DLC1: variants seen among roughly 807,000 people sequenced by gnomAD.
The protein encoded by DLC1 is DLC1 Rho GTPase activating protein.
DLC1 carries 54 observed loss-of-function variants against 140.3 expected under a neutral mutation model. The ratio of observed to expected loss-of-function variants is 0.38; its 90% CI spans 0.31 to 0.48. The LOEUF (loss-of-function observed/expected upper bound fraction) is 0.48, where lower values mean the gene tolerates loss of function less well. Ranked by LOEUF, DLC1 falls within the 20% of genes least tolerant of loss-of-function variation. DLC1 has a pLI of 0.96. For missense variants in DLC1, 2,536 were observed against 1,907.0 expected (o/e 1.33, Z -6.14); for synonymous variants, 986 against 728.1 (o/e 1.35, Z -5.70).
At chr8:13,121,728 T>C (rs1433269857) in intron 5 of DLC1, among the ~76,000 whole-genome samples, 1 of 51,968 alleles carries the variant, frequency 1.9e-5, no homozygotes, top group Non-Finnish European at 3.6e-5. Context: ...TTTTATACTA[T>C]TTTTTATAGA....
chr8:13,178,439 G>A (rs1239827705), intron 5 of DLC1, among the ~76,000 whole-genome samples: 1 of 151,972 alleles, frequency 6.6e-6, no homozygotes, highest in Non-Finnish European at 1.5e-5. Context: ...GCGGGCGCCT[G>A]TAGTTCCTCC....
At chr8:13,224,791 T>C (rs1828713719) in intron 5 of DLC1, among the ~76,000 whole-genome samples, 1 of 152,198 alleles carries the variant, frequency 6.6e-6, no homozygotes, top group Admixed American at 6.5e-5. Flanking sequence ...ATTTTTTCTC[T>C]TCCTGCTTCT....
At chr8:13,260,866 C>G (rs1228627689) in intron 5 of DLC1, among the ~76,000 whole-genome samples, 3 of 152,140 alleles carry the variant, frequency 2.0e-5, no homozygotes, top group African/African-American at 7.2e-5. Context: ...GATGCTTTGC[C>G]TCAAATTCCC....
chr8:13,574,206 C>A (rs182152470), intron 1 of DLC1, among the ~76,000 whole-genome samples: 1 of 152,038 alleles, frequency 6.6e-6, no homozygotes, highest in Non-Finnish European at 1.5e-5. Context: ...GGCAAATTAG[C>A]GTAAAGCTTT....
chr8:13,331,529 GGAAA>G (rs1486137943), intron 4 of DLC1, among the ~76,000 whole-genome samples: 1 of 152,090 alleles, frequency 6.6e-6, no homozygotes. Context: ...ATCAAAAAAG[GGAAA>G]GAATCAGTAT....
At chr8:13,153,516 G>A (rs1201413826) in intron 5 of DLC1, among the ~76,000 whole-genome samples, 3 of 152,198 alleles carry the variant, frequency 2.0e-5, no homozygotes, top group Non-Finnish European at 4.4e-5. Flanking sequence ...GGTCGCCACT[G>A]CTGGCTCCAG....
In DLC1 at chr8:13,393,554, G is replaced by A. The variant is rs545557528; in HGVS notation, c.1313C>T (p.Thr438Met). Reference protein sequence around the residue: ...VANSGTKPKTTAIQGISEKEK... With the variant: ...VANSGTKPKTMAIQGISEKEK... ...TCTCTGTTATTATTTAGAACTCACC[G>A]TAGTCTTGGGTTTGGTTCCAGAATT... Residue 438 changes from threonine to methionine, a missense_variant and splice_region_variant, in exon 4 of 18, where the codon ACG becomes ATG. Physicochemically the swap from Thr to Met is moderately conservative, Grantham distance 81. Transcript: ENST00000276297. The A allele has an allele frequency of 2.2e-5, 35 of 1,613,540 alleles. No homozygotes were observed. The highest frequency in any genetic ancestry group is 8.9e-5 in the East Asian group (4 of 44,866).
intron 5 of DLC1, among the ~76,000 whole-genome samples, chr8:13,218,094 C>T (rs2117136738): frequency 6.6e-6 from 1 of 152,150 alleles, no homozygotes; most frequent in Middle Eastern, 3.4e-3. Context: ...TAATAATTAA[C>T]TAAAATGCTA....
chr8:13,185,110 T>A (rs1008483553), intron 5 of DLC1, among the ~76,000 whole-genome samples: 12 of 150,054 alleles, frequency 8.0e-5, no homozygotes, highest in Admixed American at 7.3e-4. Context: ...GAGACTAGGA[T>A]TGCAACCCCT....
At chr8:13,326,379 A>G (rs1833348815) in intron 4 of DLC1, among the ~76,000 whole-genome samples, 1 of 152,230 alleles carries the variant, frequency 6.6e-6, no homozygotes, top group Non-Finnish European at 1.5e-5. Context: ...ATGTTATAGT[A>G]GAACATCCAA....
chr8:13,373,329 T>G (rs1051081733), intron 4 of DLC1, among the ~76,000 whole-genome samples: 2 of 152,214 alleles, frequency 1.3e-5, no homozygotes, highest in African/African-American at 4.8e-5. Context: ...GCCTTCTTCA[T>G]CTTTTGGTTT....
chr8:13,363,442 A>C (rs41468845), intron 4 of DLC1, among the ~76,000 whole-genome samples: 19,669 of 151,878 alleles, frequency 0.13, 1,416 homozygotes, highest in Non-Finnish European at 0.16. Context: ...TTGATTAACA[A>C]CATTGAAGCT....
chr8:13,395,572 A>G (rs1837002266), intron 3 of DLC1, among the ~76,000 whole-genome samples: 2 of 152,244 alleles, frequency 1.3e-5, no homozygotes, highest in South Asian at 2.1e-4. Flanking sequence ...TGAAGAAACT[A>G]CTAGACTGAC....
rs139162370 is a variant in DLC1 at position 13,090,396 on chromosome 8, G to A, written c.3930C>T (p.Leu1310=). The change falls in exon 15 of 18, where the codon CTC becomes CTT. Residue 1310 remains leucine, a synonymous_variant. Transcript: ENST00000276297. Reference sequence around the variant, plus strand: ...CTGAGTCATCATTACCCAGGTGCCCGAGTGCTTCCAGAGTGAGGGGCTTCA... The same window carrying A: ...CTGAGTCATCATTACCCAGGTGCCCAAGTGCTTCCAGAGTGAGGGGCTTCA... The part of the protein sequence containing the change: ...QELKPLTLEA[L]GHLGNDDSAD... 1.5e-5 allele frequency: 24 copies of A among 1,614,186 alleles called. No individual in the cohort carries two copies. Among genetic ancestry groups the A allele is most frequent in the South Asian group, 3.3e-5 (3 of 91,068 alleles).
chr8:13,418,889 T>A (rs533207943), intron 2 of DLC1, among the ~76,000 whole-genome samples: 1 of 152,112 alleles, frequency 6.6e-6, no homozygotes, highest in South Asian at 2.1e-4. Context: ...TTTTATTTCA[T>A]TGAGCAGTGG....
chr8:13,376,846 G>T (rs1325156330), intron 4 of DLC1, among the ~76,000 whole-genome samples: 1 of 152,102 alleles, frequency 6.6e-6, no homozygotes, highest in Non-Finnish European at 1.5e-5. Context: ...CCAGTCTATG[G>T]GTTTCACTGG....
chr8:13,153,943 T>C (rs1301591177), intron 5 of DLC1, among the ~76,000 whole-genome samples: 1 of 152,006 alleles, frequency 6.6e-6, no homozygotes, highest in Non-Finnish European at 1.5e-5. Flanking sequence ...CACTGATTGG[T>C]GTGTTTACAA....
chr8:13,224,298 G>C (rs1308321917), intron 5 of DLC1, among the ~76,000 whole-genome samples: 2 of 152,188 alleles, frequency 1.3e-5, no homozygotes, highest in Non-Finnish European at 2.9e-5. Flanking sequence ...GTAAGCTAAA[G>C]GGAGTCATTT....
At chr8:13,424,006 A>G (rs745890378) in intron 2 of DLC1, among the ~76,000 whole-genome samples, 1 of 152,212 alleles carries the variant, frequency 6.6e-6, no homozygotes, top group Non-Finnish European at 1.5e-5. Context: ...CTACAGCTAT[A>G]AAAATAGAAA....
Sources: allele counts gnomAD v4.1 joint callset (sites outside exome capture counted in the v4.1 genomes callset), GRCh38; gene constraint gnomAD v4.1.1; transcripts MANE v1.5; gene names NCBI Gene and HGNC (gene_info 2026-07-23, HGNC 2026-07-21).